NYAP2: variants seen among roughly 807,000 people sequenced by gnomAD.
The protein encoded by NYAP2 is neuronal tyrosine-phosphorylated phosphoinositide-3-kinase adaptor 2.
Under a neutral mutation model 50.4 loss-of-function variants are expected in NYAP2, and 23 were observed. The ratio of observed to expected loss-of-function variants is 0.46; its 90% CI spans 0.33 to 0.65. The LOEUF is 0.65. Among genes scored for constraint, NYAP2 ranks in the 30% least tolerant of loss-of-function variants. The pLI, the probability that NYAP2 is intolerant of heterozygous loss-of-function variation, is 0.02. For synonymous variants in NYAP2, 394 were observed against 365.2 expected (o/e 1.08, Z -0.90); for missense variants, 885 against 861.0 (o/e 1.03, Z -0.35).
the NYAP2 span, among the ~76,000 whole-genome samples, chr2:225,692,098 G>A: frequency 5.3e-5 from 8 of 152,206 alleles, no homozygotes; most frequent in East Asian, 3.9e-4. Context: ...TTAACAAGGC[G>A]CTTGCTTGGC....
intron 3 of NYAP2, among the ~76,000 whole-genome samples, chr2:225,486,366 G>A (rs1487942836): frequency 6.6e-6 from 1 of 152,182 alleles, no homozygotes; most frequent in Non-Finnish European, 1.5e-5. Context: ...TGCATGAGCT[G>A]AAAAGAAAAC....
intron 4 of NYAP2, among the ~76,000 whole-genome samples, chr2:225,560,822 A>G (rs1427648138): frequency 1.3e-5 from 2 of 151,780 alleles, no homozygotes; most frequent in Non-Finnish European, 2.9e-5. Flanking sequence ...ATCCATTCTA[A>G]TTTTTATTAT....
downstream of NYAP2, among the ~76,000 whole-genome samples, chr2:225,655,801 G>T (rs1693810966): frequency 6.6e-6 from 1 of 151,476 alleles, no homozygotes; most frequent in African/African-American, 2.4e-5. Flanking sequence ...AAACAGAACT[G>T]CAGCTTTCCT....
chr2:225,446,807 T>C (rs554601016), intron 3 of NYAP2, among the ~76,000 whole-genome samples: 63 of 152,192 alleles, frequency 4.1e-4, no homozygotes, highest in African/African-American at 1.5e-3. Context: ...CCTGTTAAAT[T>C]TGGCTGGTAA....
intron 3 of NYAP2, among the ~76,000 whole-genome samples, chr2:225,450,518 A>G (rs1574621347): frequency 6.6e-6 from 1 of 152,292 alleles, no homozygotes; most frequent in East Asian, 1.9e-4. Context: ...AACAAAACAC[A>G]CTTCCTGGAG....
At chr2:225,446,030 C>T (rs952389846) in intron 3 of NYAP2, among the ~76,000 whole-genome samples, 1 of 151,610 alleles carries the variant, frequency 6.6e-6, no homozygotes, top group Admixed American at 6.6e-5. Context: ...GTGTATGGAA[C>T]TTTGGAGAGG....
At chr2:225,532,189 C>G (rs1472235720) in intron 4 of NYAP2, among the ~76,000 whole-genome samples, 2 of 152,126 alleles carry the variant, frequency 1.3e-5, no homozygotes, top group Non-Finnish European at 2.9e-5. Flanking sequence ...CAGATTCATT[C>G]CTTTTTTTCC....
intron 3 of NYAP2, among the ~76,000 whole-genome samples, chr2:225,480,812 G>A (rs1295574590): frequency 6.6e-6 from 1 of 151,926 alleles, no homozygotes; most frequent in African/African-American, 2.4e-5. Context: ...TATATAAATG[G>A]TTTTTACATT....
At chr2:225,636,483 C>T (rs200861584) in intron 6 of NYAP2, among the ~76,000 whole-genome samples, 3 of 146,100 alleles carry the variant, frequency 2.1e-5, no homozygotes, top group Non-Finnish European at 3.0e-5. Context: ...AATGTGCTTT[C>T]TTTTTTTTTT....
chr2:225,597,178 CAG>C (rs1273814630), intron 5 of NYAP2, among the ~76,000 whole-genome samples: 10 of 151,864 alleles, frequency 6.6e-5, no homozygotes, highest in Non-Finnish European at 1.5e-4. Context: ...TTTGGGGAAA[CAG>C]GTGGTGTTGG....
chr2:225,549,483 T>C (rs868855733), intron 4 of NYAP2, among the ~76,000 whole-genome samples: 97 of 152,268 alleles, frequency 6.4e-4, no homozygotes, highest in African/African-American at 2.2e-3. Context: ...GATGGAGTCA[T>C]TGCTGATGGG....
chr2:225,491,801 C>G (rs77097801), intron 3 of NYAP2, among the ~76,000 whole-genome samples: 6 of 152,276 alleles, frequency 3.9e-5, no homozygotes, highest in African/African-American at 1.4e-4. Context: ...CAAAAGTCAT[C>G]AATTGCATGA....
At chr2:225,552,186 T>A (rs1016165234) in intron 4 of NYAP2, among the ~76,000 whole-genome samples, 3 of 152,180 alleles carry the variant, frequency 2.0e-5, no homozygotes, top group Non-Finnish European at 4.4e-5. Flanking sequence ...TGTCCAAAAT[T>A]CCCTCAGATT....
chr2:225,432,168 G>A (rs918143874), intron 3 of NYAP2, among the ~76,000 whole-genome samples: 1 of 65,426 alleles, frequency 1.5e-5, no homozygotes, highest in African/African-American at 7.5e-5. Flanking sequence ...TTTTTTTTTT[G>A]GTATTTTTAG....
chr2:225,665,607 G>C, the NYAP2 span, among the ~76,000 whole-genome samples: 8 of 150,362 alleles, frequency 5.3e-5, no homozygotes, highest in African/African-American at 2.0e-4. Flanking sequence ...AAAAGAGTTG[G>C]AGACCAGCCT....
chr2:225,458,354 G>T (rs1689772381), intron 3 of NYAP2, among the ~76,000 whole-genome samples: 1 of 151,920 alleles, frequency 6.6e-6, no homozygotes, highest in Non-Finnish European at 1.5e-5. Context: ...GTACTTTAAG[G>T]CATTCTCTTT....
chr2:225,625,918 G>T (rs1693201995), intron 5 of NYAP2, among the ~76,000 whole-genome samples: 1 of 152,214 alleles, frequency 6.6e-6, no homozygotes, highest in Admixed American at 6.5e-5. Flanking sequence ...TAATTCAAGT[G>T]AGAGGATTAG....
At chr2:225,528,334 T>C (rs1200627735) in intron 4 of NYAP2, among the ~76,000 whole-genome samples, 1 of 152,178 alleles carries the variant, frequency 6.6e-6, no homozygotes, top group Non-Finnish European at 1.5e-5. Flanking sequence ...GGCAAATAAA[T>C]AGGGTAAAAT....
At chr2:225,553,944 C>T (rs970527220) in intron 4 of NYAP2, among the ~76,000 whole-genome samples, 3 of 152,056 alleles carry the variant, frequency 2.0e-5, no homozygotes, top group Non-Finnish European at 2.9e-5. Flanking sequence ...CGCTTGAACT[C>T]GGGAAGCAGA....
Sources: gnomAD v4.1 joint callset for allele counts (sites outside exome capture counted in the v4.1 genomes callset) on GRCh38, gnomAD v4.1.1 for gene constraint, MANE v1.5 for transcripts, NCBI Gene and HGNC (gene_info 2026-07-23, HGNC 2026-07-21) for gene names.